EIPR1: variants seen among roughly 807,000 people sequenced by gnomAD.
The protein encoded by EIPR1 is EARP and GARP complex-interacting protein 1.
A neutral mutation model predicts 48.1 loss-of-function variants in EIPR1; 25 were observed. The ratio of observed to expected loss-of-function variants is 0.52; its 90% CI spans 0.38 to 0.73. The LOEUF is 0.73. Ranked by LOEUF, EIPR1 falls within the 30% of genes least tolerant of loss-of-function variation. The pLI is 0.00. For synonymous variants in EIPR1, 204 were observed against 201.9 expected, an observed-to-expected ratio of 1.01 and a Z score of -0.09; for missense variants, 415 against 506.2, an observed-to-expected ratio of 0.82 and a Z score of 1.73.
chr2:3,311,098 G>C (rs1558290215), intron 3 of EIPR1, among the ~76,000 whole-genome samples: 1 of 152,108 alleles, frequency 6.6e-6, no homozygotes, highest in Non-Finnish European at 1.5e-5. Context: ...GCAATAGCTT[G>C]AAGAGTGCTT....
At chr2:3,269,887 C>A (rs1191653176) in intron 3 of EIPR1, among the ~76,000 whole-genome samples, 2 of 152,214 alleles carry the variant, frequency 1.3e-5, no homozygotes, top group African/African-American at 2.4e-5. Flanking sequence ...GGGAAGCTCC[C>A]CAGCACGCGA....
chr2:3,333,905 C>T (rs929653264), intron 3 of EIPR1, among the ~76,000 whole-genome samples: 1 of 152,204 alleles, frequency 6.6e-6, no homozygotes, highest in African/African-American at 2.4e-5. Context: ...GCCCTCTCCA[C>T]GTGCGGTTCT....
intron 4 of EIPR1, among the ~76,000 whole-genome samples, chr2:3,250,290 G>A (rs944302664): frequency 6.6e-6 from 1 of 152,260 alleles, no homozygotes; most frequent in Non-Finnish European, 1.5e-5. Context: ...AGGACATGGA[G>A]TCAGTGTTGG....
At chr2:3,242,534 G>T (rs1666669212) in intron 4 of EIPR1, among the ~76,000 whole-genome samples, 1 of 150,904 alleles carries the variant, frequency 6.6e-6, no homozygotes, top group Admixed American at 6.6e-5. Context: ...ACGGCTGGAA[G>T]ACAGAGATTT....
chr2:3,192,717 G>T, intron 7 of EIPR1, 136 bp from the exon 8 acceptor site: 1 of 819,476 alleles, frequency 1.2e-6, no homozygotes. Flanking sequence ...CCCAGTCACA[G>T]GGCCTGACAT....
At chr2:3,267,433 G>A (rs1331218139) in intron 3 of EIPR1, among the ~76,000 whole-genome samples, 2 of 152,260 alleles carry the variant, frequency 1.3e-5, no homozygotes, top group Non-Finnish European at 2.9e-5. Context: ...TTTGGCCTGC[G>A]TCGCAGCAGC....
intron 4 of EIPR1, among the ~76,000 whole-genome samples, chr2:3,244,759 G>A (rs574664545): frequency 1.3e-5 from 2 of 152,324 alleles, no homozygotes; most frequent in East Asian, 3.9e-4. Flanking sequence ...CTGCTGTCTG[G>A]AAGCTACCTG....
At chr2:3,205,773 G>C (rs1558221907) in intron 5 of EIPR1, among the ~76,000 whole-genome samples, 3 of 152,190 alleles carry the variant, frequency 2.0e-5, no homozygotes, top group African/African-American at 7.2e-5. Flanking sequence ...TCATTGGCAG[G>C]TTACTTAGTC....
At chr2:3,214,104 G>A (rs1222731253) in intron 5 of EIPR1, 45 bp downstream of exon 5, 1 of 1,575,982 alleles carries the variant, frequency 6.3e-7, no homozygotes, top group Non-Finnish European at 8.7e-7. Context: ...GCGGGGTTTG[G>A]TTTAAAAATA....
chr2:3,317,559 C>T lies in EIPR1; in HGVS notation c.259+20458G>A, dbSNP rs867272932. Among the ~76,000 whole-genome samples the T allele has an allele frequency of 9.2e-5, 14 of 152,296 alleles. 1 individual carries two copies. Among genetic ancestry groups the T allele is most frequent in the Middle Eastern group, 6.8e-3 (2 of 294 alleles). On this transcript the variant is annotated intron_variant, in intron 3 of 8. Coordinates refer to ENST00000382125, the MANE Select transcript of EIPR1 (RefSeq NM_003310.5). ...GTGACCTCGCAGCAGCTGTGAGGGT[C>T]GAGTCTAGATAGAGGCCCCTCCCAC... is the stretch of plus-strand genomic sequence containing the variant.
chr2:3,248,674 G>T (rs1308860100), intron 4 of EIPR1, among the ~76,000 whole-genome samples: 1 of 152,230 alleles, frequency 6.6e-6, no homozygotes, highest in Non-Finnish European at 1.5e-5. Flanking sequence ...GCTGAGGCAG[G>T]AGAATCACTT....
intron 4 of EIPR1, among the ~76,000 whole-genome samples, chr2:3,253,394 C>T (rs1469212903): frequency 2.0e-5 from 3 of 152,256 alleles, no homozygotes; most frequent in Non-Finnish European, 2.9e-5. Flanking sequence ...CCCTGAGGGC[C>T]GTGGTCACTC....
chr2:3,278,198 C>T lies in EIPR1; in HGVS notation c.260-20743G>A, dbSNP rs116421606. The stretch of plus-strand genomic sequence containing the variant: ...GGCCCAGGGGAGTCTGAGATGGAAA[C>T]GAGAGGAGGGGGAGACGCAGGTGGA... On this transcript the variant is annotated intron_variant, in intron 3 of 8. Transcript: ENST00000382125. 1.2e-3 allele frequency among the ~76,000 whole-genome samples: 177 copies of T among 152,316 alleles called. 1 individual carries two copies. The highest frequency in any genetic ancestry group is 4.0e-3 in the African/African-American group (167 of 41,562).
chr2:3,341,401 GGCATGTGTGCAT>G (rs1670243786), intron 2 of EIPR1, among the ~76,000 whole-genome samples: 2 of 152,174 alleles, frequency 1.3e-5, no homozygotes, highest in South Asian at 2.1e-4. Context: ...CGTGGGTGTG[GGCATGTGTGCAT>G]GCAGGTGTGC....
Position 3,255,607 on chromosome 2 carries a change from G to T in EIPR1, c.416+1692C>A, listed in dbSNP as rs188207282. On this transcript the variant is annotated intron_variant, in intron 4 of 8. Transcript: ENST00000382125. Reference sequence around the variant, plus strand: ...TGCATACAGTGTCTGCACAAGGTGGGAAGTTGAGAAGCAGTCTGACAGCTC... The same window carrying T: ...TGCATACAGTGTCTGCACAAGGTGGTAAGTTGAGAAGCAGTCTGACAGCTC... 5.9e-5 allele frequency among the ~76,000 whole-genome samples: 9 copies of T among 152,342 alleles called. No homozygotes were observed. In the East Asian group the frequency reaches 1.7e-3, roughly 29 times the overall value.
rs370833412 is a variant in EIPR1, at chr2:3,194,974, C to T, written c.654-808G>A. 2.8e-4 allele frequency among the ~76,000 whole-genome samples: 43 copies of T among 152,348 alleles called. No homozygotes were observed. In the South Asian group the frequency reaches 8.1e-3, roughly 29 times the overall value. The stretch of plus-strand genomic sequence containing the variant: ...CACAGTGCGTGCGTTCTCACACTCA[C>T]GCGTGCATCTGTGTGCACGCCCACA... On this transcript the variant is annotated intron_variant, in intron 6 of 8. Transcript: ENST00000382125.
intron 3 of EIPR1, among the ~76,000 whole-genome samples, chr2:3,277,434 T>C (rs1434685417): frequency 2.0e-5 from 3 of 152,210 alleles, no homozygotes; most frequent in Non-Finnish European, 2.9e-5. Flanking sequence ...CTTGACCCCA[T>C]GTCAAAGATG....
rs548075162 is a variant in EIPR1 at position 3,363,678 on chromosome 2, G to A, written c.43-9045C>T. Among the ~76,000 whole-genome samples, 237 of 152,030 alleles carry A rather than the reference G, an allele frequency of 1.6e-3. 1 individual carries two copies. Among genetic ancestry groups the A allele is most frequent in the Admixed American group, 3.3e-3 (50 of 15,256 alleles). On this transcript the variant is annotated intron_variant, in intron 1 of 8. Transcript: ENST00000382125. Reference sequence around the variant, plus strand: ...CCAGCCTGCTTGACAGAGTGAGACCGTGCCTCAAAAACATAAATATATAAG... The same window carrying A: ...CCAGCCTGCTTGACAGAGTGAGACCATGCCTCAAAAACATAAATATATAAG...
intron 5 of EIPR1, chr2:3,208,748 T>C (rs983199090): frequency 1.3e-5 from 20 of 1,548,286 alleles, no homozygotes; most frequent in Middle Eastern, 3.4e-4. Context: ...GGTCCTTCTG[T>C]GAGTGAGGCC....
Sources: gnomAD v4.1 joint callset for allele counts (sites outside exome capture counted in the v4.1 genomes callset) on GRCh38, gnomAD v4.1.1 for gene constraint, MANE v1.5 for transcripts, NCBI Gene and HGNC (gene_info 2026-07-23, HGNC 2026-07-21) for gene names.